Variants in IQCJ observed in about 807,000 individuals in gnomAD.
The protein encoded by IQCJ is IQ motif containing J, also known as IQ domain-containing protein J.
A neutral mutation model predicts 11.0 loss-of-function variants in IQCJ; 9 were observed. The observed-to-expected ratio is 0.82, with a 90% CI of 0.49 to 1.43. The LOEUF (loss-of-function observed/expected upper bound fraction) is 1.43. Among genes scored for constraint, IQCJ ranks in the 40% most tolerant of loss-of-function variants. The probability of loss-of-function intolerance (pLI) is 0.00; values close to 1 mark genes in which losing one functional copy is unlikely to be tolerated. For missense variants in IQCJ, 146 were observed against 133.2 expected (o/e 1.10, Z -0.47); for synonymous variants, 55 against 51.3 (o/e 1.07, Z -0.31).
intron 1 of IQCJ, among the ~76,000 whole-genome samples, chr3:159,117,611 A>C (rs1719106183): frequency 6.6e-6 from 1 of 152,224 alleles, no homozygotes; most frequent in Non-Finnish European, 1.5e-5. Context: ...CTCTTGGCTC[A>C]GGTTCTGGTT....
At chr3:159,219,788 A>G (rs188947595) in intron 1 of IQCJ, among the ~76,000 whole-genome samples, 1 of 151,694 alleles carries the variant, frequency 6.6e-6, no homozygotes, top group African/African-American at 2.4e-5. Context: ...CTGGGAAATG[A>G]CTCTTGTGGT....
chr3:159,180,552 T>G (rs73877526), intron 1 of IQCJ, among the ~76,000 whole-genome samples: 2 of 151,796 alleles, frequency 1.3e-5, no homozygotes, highest in Admixed American at 6.6e-5. Context: ...GATGAATAGA[T>G]AGATGATTGA....
chr3:159,148,758 C>T (rs1213852224), intron 1 of IQCJ, among the ~76,000 whole-genome samples: 3 of 152,122 alleles, frequency 2.0e-5, no homozygotes, highest in African/African-American at 7.2e-5. Flanking sequence ...CATTGACAGC[C>T]AAATGTGATT....
intron 1 of IQCJ, among the ~76,000 whole-genome samples, chr3:159,165,751 C>A (rs907587856): frequency 6.7e-6 from 1 of 149,592 alleles, no homozygotes; most frequent in African/African-American, 2.5e-5. Flanking sequence ...GTAGCTGGGA[C>A]TACAGGCATG....
intron 1 of IQCJ, among the ~76,000 whole-genome samples, chr3:159,152,658 T>C (rs1450050143): frequency 6.6e-6 from 1 of 152,224 alleles, no homozygotes; most frequent in Non-Finnish European, 1.5e-5. Flanking sequence ...TTACTATGCC[T>C]AGGTTATTGT....
intron 1 of IQCJ, among the ~76,000 whole-genome samples, chr3:159,082,499 G>A (rs1716385883): frequency 6.6e-6 from 1 of 151,896 alleles, no homozygotes; most frequent in African/African-American, 2.4e-5. Flanking sequence ...TGTGAAAAAG[G>A]TGACCTTCCA....
intron 2 of IQCJ, among the ~76,000 whole-genome samples, chr3:159,247,921 C>G (rs1727365116): frequency 6.6e-6 from 1 of 152,088 alleles, no homozygotes; most frequent in African/African-American, 2.4e-5. Context: ...ACTCAGCATG[C>G]CAAACACCAT....
At chr3:159,122,443 A>G (rs1719431742) in intron 1 of IQCJ, among the ~76,000 whole-genome samples, 1 of 152,188 alleles carries the variant, frequency 6.6e-6, no homozygotes, top group African/African-American at 2.4e-5. Flanking sequence ...TGCTCCTTAG[A>G]AGGCTTTGAG....
chr3:159,166,625 C>T (rs536776426), intron 1 of IQCJ, among the ~76,000 whole-genome samples: 2 of 152,304 alleles, frequency 1.3e-5, no homozygotes, highest in South Asian at 4.1e-4. Flanking sequence ...CCCTTTCTAG[C>T]ACCAAGTGCA....
At chr3:159,229,665 C>G (rs985348163) in intron 1 of IQCJ, among the ~76,000 whole-genome samples, 1 of 144,436 alleles carries the variant, frequency 6.9e-6, no homozygotes, top group Non-Finnish European at 1.5e-5. Flanking sequence ...TTCATGCTTT[C>G]TGTGTTGTGG....
In IQCJ at chr3:159,155,093, TC is replaced by T. The variant is rs562156445; in HGVS notation, c.9+85653del. ...CCTACACTGAACACGGGCTCCCCTT[TC>T]TTTGGTGATCTTTGTTAAATAAGGT... On this transcript the variant is annotated intron_variant, in intron 1 of 3. Coordinates refer to ENST00000397832, the MANE Select transcript of IQCJ (RefSeq NM_001042706.3). 5.9e-5 allele frequency among the ~76,000 whole-genome samples: 9 copies of T among 152,232 alleles called. 1 individual carries two copies. The South Asian group carries it at 1.9e-3, about 32-fold the overall frequency.
chr3:159,106,146 G>A (rs1170612781), intron 1 of IQCJ, among the ~76,000 whole-genome samples: 1 of 152,136 alleles, frequency 6.6e-6, no homozygotes, highest in East Asian at 1.9e-4. Context: ...AGGAACTAAG[G>A]TGAATTGACT....
chr3:159,164,780 AAAG>A (rs1722071651), intron 1 of IQCJ, among the ~76,000 whole-genome samples: 2 of 152,174 alleles, frequency 1.3e-5, no homozygotes, highest in Admixed American at 1.3e-4. Context: ...CCCCCCCAAA[AAAG>A]AGGTTCAGCT....
intron 1 of IQCJ, among the ~76,000 whole-genome samples, chr3:159,112,796 G>A (rs1718716891): frequency 6.6e-6 from 1 of 152,132 alleles, no homozygotes. Flanking sequence ...TTTTAATGTA[G>A]CCCAGATTAC....
intron 1 of IQCJ, among the ~76,000 whole-genome samples, chr3:159,203,856 G>A (rs1724495359): frequency 6.6e-6 from 1 of 152,204 alleles, no homozygotes; most frequent in Non-Finnish European, 1.5e-5. Context: ...TTCAGTCCTT[G>A]TGTGTATGTC....
chr3:159,218,531 A>C (rs1165301549), intron 1 of IQCJ, among the ~76,000 whole-genome samples: 1 of 152,170 alleles, frequency 6.6e-6, no homozygotes, highest in Non-Finnish European at 1.5e-5. Context: ...TGTCTTTTAT[A>C]TAAGAAGAGA....
chr3:159,130,960 C>T, intron 1 of IQCJ, among the ~76,000 whole-genome samples: 1 of 152,134 alleles, frequency 6.6e-6, no homozygotes, highest in East Asian at 1.9e-4. Flanking sequence ...TCCTTAACTC[C>T]TTCATCTGTA....
chr3:159,085,635 A>T (rs9713975), intron 1 of IQCJ, among the ~76,000 whole-genome samples: 133,714 of 145,516 alleles, frequency 0.92, 61,663 homozygotes, highest in East Asian at 1. Flanking sequence ...TGGTATCTCA[A>T]TGTGGTTTTG....
intron 1 of IQCJ, among the ~76,000 whole-genome samples, chr3:159,183,694 C>G (rs974611777): frequency 2.0e-5 from 3 of 152,128 alleles, no homozygotes; most frequent in African/African-American, 4.8e-5. Flanking sequence ...CTTAAGGATC[C>G]AAGCTTCTTC....
Sources: gnomAD v4.1 joint callset for allele counts (sites outside exome capture counted in the v4.1 genomes callset) on GRCh38, gnomAD v4.1.1 for gene constraint, MANE v1.5 for transcripts, NCBI Gene and HGNC (gene_info 2026-07-23, HGNC 2026-07-21) for gene names.